G6PD: variants seen among roughly 807,000 people sequenced by gnomAD.
The protein encoded by G6PD is glucose-6-phosphate 1-dehydrogenase.
G6PD carries 2 observed loss-of-function variants against 38.2 expected under a neutral mutation model. The observed-to-expected ratio is 0.05, with a 90% CI of 0.02 to 0.16. The LOEUF (loss-of-function observed/expected upper bound fraction) is 0.16, where lower values mean the gene tolerates loss of function less well. G6PD is among the 10% of genes least tolerant of loss of function. G6PD has a pLI of 1.00. For missense variants in G6PD, 310 were observed against 471.6 expected (o/e 0.66, Z 3.17); for synonymous variants, 188 against 196.0 (o/e 0.96, Z 0.34).
rs782308266 is a variant in G6PD at position 154,535,962 on chromosome X, C to T, written c.242G>A (p.Arg81His). The change falls in exon 4 of 13, where the codon CGC becomes CAC. Residue 81 changes from arginine to histidine, a missense_variant. Transcript: ENST00000393562. ...CTTGAAGAAGGGCTCACTCTGTTTG[C>T]GGATGTCAGCCACTGTGAGGCGGGA... The part of the protein sequence containing the change: ...ARSRLTVADI[R>H]KQSEPFFKAT... 5.8e-6 allele frequency: 7 copies of T among 1,208,958 alleles called. No homozygotes were observed. The highest frequency in any genetic ancestry group is 1.7e-5 in the African/African-American group (1 of 57,238).
Position 154,531,807 on chromosome X carries a change from G to A in G6PD, c.*193C>T, listed in dbSNP as rs1220735977. The A allele has an allele frequency of 4.4e-6, 3 of 674,328 alleles. No homozygotes were observed. The East Asian group carries it at 1.1e-4, about 24-fold the overall frequency. 55.6% of individuals were successfully genotyped at this position (674,328 alleles called of 1,213,427 possible). ...GGCAGGGTCTGGAGGGGCCAGGATG[G>A]TCTCGAGTGCTTGGCAGCTGAGGAA... On this transcript the variant is annotated 3_prime_UTR_variant, in exon 13 of 13. Coordinates refer to ENST00000393562, the MANE Select transcript of G6PD (RefSeq NM_001360016.2).
chrX:154,533,153 T>C (rs1327690893), intron 8 of G6PD, 25 bp from the exon 9 acceptor site: 6 of 1,197,808 alleles, frequency 5.0e-6, no homozygotes, highest in Admixed American at 2.2e-5. Context: ...AGGGAGAGAA[T>C]GGGCTCCTTG....
At chrX:154,538,809 C>A (rs1350276712) in intron 2 of G6PD, among the ~76,000 whole-genome samples, 7 of 110,176 alleles carry the variant, frequency 6.4e-5, no homozygotes, top group Non-Finnish European at 1.1e-4. Flanking sequence ...TGCCTGTAAT[C>A]CCAGCTATTC....
intron 2 of G6PD, chrX:154,542,491 C>G (rs2070543724): frequency 1.8e-6 from 2 of 1,140,722 alleles, no homozygotes; most frequent in African/African-American, 1.9e-5. Context: ...GGGTGGGAGT[C>G]CTGAGAAGGC....
At chrX:154,536,742 A>C (rs2070412542) in intron 2 of G6PD, among the ~76,000 whole-genome samples, 1 of 111,285 alleles carries the variant, frequency 9.0e-6, no homozygotes, top group Admixed American at 9.6e-5. Flanking sequence ...AGGCAGGAGA[A>C]TCACTTGAAT....
chrX:154,539,829 T>G (rs1217038418), intron 2 of G6PD, among the ~76,000 whole-genome samples: 2 of 110,049 alleles, frequency 1.8e-5, no homozygotes, highest in Non-Finnish European at 3.8e-5. Context: ...TTCAAGCCAT[T>G]CTCCTGCCTC....
At chrX:154,533,389 G>A (rs1291013881) in intron 8 of G6PD, 187 bp downstream of exon 8, 3 of 530,227 alleles carry the variant, frequency 5.7e-6, no homozygotes, top group Non-Finnish European at 6.1e-6. Context: ...TGTCAGGCCT[G>A]GGACATGACA....
rs1603411632 is a variant in G6PD, at chrX:154,534,492, A to G, written c.490T>C (p.Trp164Arg). 1 of 1,211,573 alleles carries G rather than the reference A, an allele frequency of 8.3e-7. No individual in the cohort carries two copies. The highest frequency in any genetic ancestry group is 1.1e-6 in the Non-Finnish European group (1 of 895,488). The change falls in exon 6 of 13, where the codon TGG becomes CGG. Residue 164 changes from tryptophan to arginine, a missense_variant. This residue lies in a region of G6PD where 96 missense variants were observed against 93.3 expected (regional missense o/e 1.03). Transcript: ENST00000393562. ...GGCTTCTCCACGATGATGCGGTTCC[A>G]GCCTCTGCTGGGAGCCCGGAGCTGC... ...IHESCMSQIGWNRIIVEKPFG... is the reference protein window; with the variant it reads ...IHESCMSQIGRNRIIVEKPFG...
At chrX:154,546,888 G>A (rs782032487), upstream of G6PD, 7 of 1,020,552 alleles carry the variant, frequency 6.9e-6, no homozygotes, top group Middle Eastern at 3.5e-4. Flanking sequence ...GCGGGGGCGG[G>A]GGCGGGCGCC....
rs1557229487 is a variant in G6PD, at chrX:154,532,229, A to C, written c.1416T>G (p.Ile472Met). ...WRIFTPLLHQ[I>M]ELEKPKPIPY... is the part of the protein sequence containing the mutation. ...GGATGGGCTTGGGCTTCTCCAGCTC[A>C]ATCTGGTGCAGCAGTGGGGTGAAAA... Residue 472 changes from isoleucine (I) to methionine (M), a missense_variant, in exon 12 of 13, where the codon ATT becomes ATG. Coordinates refer to ENST00000393562, the MANE Select transcript of G6PD (RefSeq NM_001360016.2). 2 of 1,211,046 alleles carry C rather than the reference A, an allele frequency of 1.7e-6. No homozygotes were observed.
intron 2 of G6PD, among the ~76,000 whole-genome samples, chrX:154,540,644 A>G (rs1415375018): frequency 2.1e-4 from 23 of 107,377 alleles, no homozygotes; most frequent in African/African-American, 7.1e-4. Flanking sequence ...TCACGAAAAA[A>G]AAAAAAAAAA....
intron 2 of G6PD, chrX:154,545,708 G>A: frequency 4.0e-6 from 1 of 250,774 alleles, no homozygotes; most frequent in Admixed American, 6.0e-5. Context: ...GGTGGTGCAT[G>A]CCTGTAATCT....
chrX:154,534,421 G>T lies in G6PD; in HGVS notation c.561C>A (p.Ile187=). Residue 187 remains isoleucine (I), a synonymous_variant, in exon 6 of 13, where the codon ATC becomes ATA. Coordinates refer to ENST00000393562, the MANE Select transcript of G6PD (RefSeq NM_001360016.2). ...LQSSDRLSNH[I]SSLFREDQIY... ...TCTGGTCCTCACGGAACAGGGAGGA[G>T]ATGTGGTTGGACAGCCGGTCAGAGC... The T allele has an allele frequency of 5.0e-6, 6 of 1,211,219 alleles. No individual in the cohort carries two copies. The highest frequency in any genetic ancestry group is 6.7e-6 in the Non-Finnish European group (6 of 894,950).
At chrX:154,542,799 G>A (rs1393890669) in intron 2 of G6PD, among the ~76,000 whole-genome samples, 2 of 111,820 alleles carry the variant, frequency 1.8e-5, no homozygotes, top group Non-Finnish European at 3.8e-5. Context: ...TGCGCTTTGG[G>A]GGACTGGGGA....
chrX:154,538,908 T>TA (rs2070441845), intron 2 of G6PD, among the ~76,000 whole-genome samples: 1 of 108,715 alleles, frequency 9.2e-6, no homozygotes, highest in East Asian at 2.9e-4. Context: ...GCAACAGAGC[T>TA]AGACGTCGTC....
chrX:154,546,226 T>C (rs1557233262), intron 1 of G6PD, 63 bp from the exon 2 acceptor site: 12 of 1,186,468 alleles, frequency 1.0e-5, no homozygotes, highest in East Asian at 3.0e-5. Context: ...AGTTAGCCCC[T>C]TTCTTGAGAG....
chrX:154,534,522 C>T (rs376052224), intron 5 of G6PD, 26 bp from the exon 6 acceptor site: 5 of 1,207,501 alleles, frequency 4.1e-6, no homozygotes, highest in South Asian at 3.5e-5. Context: ...AGCTGCGTTA[C>T]CCCCTTGAAC....
intron 4 of G6PD, 186 bp downstream of exon 4, chrX:154,535,751 G>A: frequency 4.1e-6 from 2 of 488,550 alleles, no homozygotes; most frequent in Non-Finnish European, 7.4e-6. Flanking sequence ...AGCAGGAGGG[G>A]ACCTGTGGGT....
intron 6 of G6PD, 48 bp downstream of exon 6, chrX:154,534,290 C>T (rs781971666): frequency 3.3e-6 from 4 of 1,204,117 alleles, no homozygotes; most frequent in Non-Finnish European, 4.5e-6. Context: ...AGGTGAGGCT[C>T]CTGAGTACCA....
Sources: gnomAD v4.1 joint callset for allele counts (sites outside exome capture counted in the v4.1 genomes callset) on GRCh38, gnomAD v4.1.1 for gene constraint, gnomAD v4.1.1 regional missense constraint, MANE v1.5 for transcripts, NCBI Gene and HGNC (gene_info 2026-07-23, HGNC 2026-07-21) for gene names.